The following IL12RB1 variants were observed in gnomAD, a reference collection of about 807,000 sequenced individuals.
IL12RB1 encodes the protein interleukin-12 receptor subunit beta-1.
IL12RB1 carries 64 observed loss-of-function variants against 94.4 expected under a neutral mutation model. That is an observed-to-expected ratio of 0.68 (90% confidence interval 0.55 to 0.83). The LOEUF is 0.83. Ranked by LOEUF, IL12RB1 falls within the 40% of genes least tolerant of loss-of-function variation. The probability of loss-of-function intolerance (pLI) is 0.00; values close to 1 mark genes in which losing one functional copy is unlikely to be tolerated. For synonymous variants in IL12RB1, 362 were observed against 355.5 expected, an observed-to-expected ratio of 1.02 and a Z score of -0.21; for missense variants, 814 against 855.6, an observed-to-expected ratio of 0.95 and a Z score of 0.61.
intron 10 of IL12RB1, among the ~76,000 whole-genome samples, chr19:18,069,240 C>T (rs17883713): frequency 3.3e-4 from 50 of 152,332 alleles, no homozygotes; most frequent in South Asian, 2.3e-3. Context: ...CAGCATCTCG[C>T]GAACTGCCAC....
intron 5 of IL12RB1, 37 bp from the exon 6 acceptor site, chr19:18,076,364 T>C: frequency 8.9e-7 from 1 of 1,123,966 alleles, no homozygotes; most frequent in South Asian, 1.2e-5. Context: ...GTTTTGCATT[T>C]TGGTGCTGAA....
In IL12RB1 at chr19:18,080,833, T is replaced by A. The variant is rs1312439583; in HGVS notation, c.408A>T (p.Ser136=). The change falls in exon 4 of 17, where the codon TCA becomes TCT. Residue 136 remains serine, a splice_region_variant and synonymous_variant. Coordinates refer to ENST00000593993, the MANE Select transcript of IL12RB1 (RefSeq NM_005535.3). The stretch of plus-strand genomic sequence containing the variant: ...ACGGGGGGAGAACAAGGTGCTAACC[T>A]GAGTTGTAGAGCTGCAGGGTCACCT... ...SPEVTLQLYN[S]VKYEPPLGDI... is the part of the protein sequence containing the mutation. The A allele has an allele frequency of 1.2e-6, 2 of 1,602,824 alleles. No individual in the cohort carries two copies. The highest frequency in any genetic ancestry group is 1.7e-6 in the Non-Finnish European group (2 of 1,169,808).
intron 4 of IL12RB1, among the ~76,000 whole-genome samples, chr19:18,079,706 G>A (rs952931014): frequency 2.0e-5 from 3 of 151,502 alleles, no homozygotes; most frequent in Non-Finnish European, 2.9e-5. Context: ...TCAGGAGATC[G>A]AGACCACGGT....
rs775529244 is a variant in IL12RB1 at position 18,059,985 on chromosome 19, G to A, written c.1892C>T (p.Pro631Leu). The A allele has an allele frequency of 1.9e-6, 3 of 1,600,912 alleles. No individual in the cohort carries two copies. The highest frequency in any genetic ancestry group is 1.1e-5 in the South Asian group (1 of 89,360). The change falls in exon 16 of 17, where the codon CCT becomes CTT. Residue 631 changes from proline to leucine, a missense_variant. Physicochemically the swap from Pro to Leu is moderately conservative, Grantham distance 98. Coordinates refer to ENST00000593993, the MANE Select transcript of IL12RB1 (RefSeq NM_005535.3). Reference protein sequence around the residue: ...MSWDKGERTEPLEKTELPEGA... With the variant: ...MSWDKGERTELLEKTELPEGA... ...CTCAGGTAGCTCTGTCTTCTCGAGA[G>A]GCTCAGTCCTCTCGCCTTTGTCCCA...
chr19:18,080,239 G>T (rs1295016376), intron 4 of IL12RB1, among the ~76,000 whole-genome samples: 1 of 151,422 alleles, frequency 6.6e-6, no homozygotes, highest in African/African-American at 2.4e-5. Context: ...TGGCTTTTTT[G>T]TGTGTTGCTG....
rs138116622 is a variant in IL12RB1 at position 18,069,740 on chromosome 19, G to C, written c.1022-27C>G. On this transcript the variant is annotated intron_variant, in intron 9 of 16. Coordinates refer to ENST00000593993, the MANE Select transcript of IL12RB1 (RefSeq NM_005535.3). ...TGGAAGGAGAGGGGAGAGACGCATC[G>C]AGACAGTTGCCATCTCTCTCCCCAG... The C allele has an allele frequency of 2.4e-4, 374 of 1,560,594 alleles. 1 individual carries two copies. In the African/African-American group the frequency reaches 4.6e-3, roughly 19 times the overall value.
In IL12RB1 at chr19:18,086,757, C is replaced by A; in HGVS notation, c.64+3G>T. On this transcript the variant is annotated splice_donor_region_variant and intron_variant, in intron 1 of 16. Transcript: ENST00000593993. ...GCCGCCATGCCAGGGTCAGGGGACT[C>A]ACCGCCCTGCCTGGACAGCAGGAAG... 1 of 1,608,750 alleles carries A rather than the reference C, an allele frequency of 6.2e-7. No individual in the cohort carries two copies.
intron 7 of IL12RB1, among the ~76,000 whole-genome samples, chr19:18,075,031 G>A (rs2035350771): frequency 6.6e-6 from 1 of 150,694 alleles, no homozygotes; most frequent in Admixed American, 6.6e-5. Context: ...CAGCCTGGGT[G>A]ACAGAGTGAG....
intron 12 of IL12RB1, among the ~76,000 whole-genome samples, chr19:18,064,900 G>C (rs1402720081): frequency 6.6e-6 from 1 of 152,068 alleles, no homozygotes; most frequent in African/African-American, 2.4e-5. Flanking sequence ...CATAAGACAC[G>C]CCCACCAGTG....
At chr19:18,082,051 C>T in intron 3 of IL12RB1, 99 bp downstream of exon 3, 1 of 753,924 alleles carries the variant, frequency 1.3e-6, no homozygotes, top group Non-Finnish European at 2.4e-6. Context: ...GAGTGTTGAC[C>T]CAGCCAAGAT....
chr19:18,089,978 G>A (rs1211163817), upstream of IL12RB1, among the ~76,000 whole-genome samples: 1 of 152,240 alleles, frequency 6.6e-6, no homozygotes, highest in Non-Finnish European at 1.5e-5. Flanking sequence ...TCTGGCCCCG[G>A]GGCCCAGGCC....
chr19:18,081,052 C>T, intron 3 of IL12RB1, 51 bp from the exon 4 acceptor site: 1 of 1,532,282 alleles, frequency 6.5e-7, no homozygotes, highest in Non-Finnish European at 8.9e-7. Flanking sequence ...CTAGTGGACC[C>T]CACAGCCGAC....
chr19:18,066,268 C>T (rs1029835282), intron 12 of IL12RB1, among the ~76,000 whole-genome samples: 2 of 151,900 alleles, frequency 1.3e-5, no homozygotes, highest in Admixed American at 6.6e-5. Flanking sequence ...CCACCATGCC[C>T]GGCTAATTTT....
chr19:18,069,671 G>C lies in IL12RB1; in HGVS notation c.1064C>G (p.Thr355Ser). The change falls in exon 10 of 17, where the codon ACC becomes AGC. Residue 355 changes from threonine to serine, a missense_variant. Physicochemically the swap from Thr to Ser is moderately conservative, Grantham distance 58 (BLOSUM62 1). Coordinates refer to ENST00000593993, the MANE Select transcript of IL12RB1 (RefSeq NM_005535.3). ...LNISVGTNGT[T>S]MYWPARAQSM... is the part of the protein sequence containing the mutation. ...CTGAGCCCGGGCTGGCCAATACATG[G>C]TGGTCCCGTTGGTTCCGACGCTGAT... 6.2e-7 allele frequency: 1 copy of C among 1,612,868 alleles called. No individual in the cohort carries two copies. The highest frequency in any genetic ancestry group is 8.5e-7 in the Non-Finnish European group (1 of 1,179,222).
chr19:18,081,209 C>A (rs924883251), intron 3 of IL12RB1, among the ~76,000 whole-genome samples: 4 of 152,082 alleles, frequency 2.6e-5, no homozygotes, highest in African/African-American at 9.7e-5. Context: ...AATTCTCCCA[C>A]CTCAGCCTCC....
Position 18,082,273 on chromosome 19 carries a change from G to C in IL12RB1, c.125-9C>G. ...AGGGCCCGAGGCCGAGCCTGGAAGA[G>C]ATCCTGTAGGCTTGGGAACAGACCA... is the stretch of plus-strand genomic sequence containing the variant. On this transcript the variant is annotated splice_polypyrimidine_tract_variant and intron_variant, in intron 2 of 16. Transcript: ENST00000593993. 1 of 1,544,518 alleles carries C rather than the reference G, an allele frequency of 6.5e-7. No homozygotes were observed. The highest frequency in any genetic ancestry group is 8.9e-7 in the Non-Finnish European group (1 of 1,119,914).
At chr19:18,060,855 A>G (rs1015672652) in intron 15 of IL12RB1, among the ~76,000 whole-genome samples, 2 of 152,086 alleles carry the variant, frequency 1.3e-5, no homozygotes, top group African/African-American at 2.4e-5. Flanking sequence ...ATAGACCCCA[A>G]TCGCTGGATT....
intron 9 of IL12RB1, chr19:18,071,216 T>C (rs2035014249): frequency 2.5e-6 from 1 of 393,176 alleles, no homozygotes; most frequent in South Asian, 1.9e-5. Context: ...CTACTAAAAA[T>C]ACAAAATTAG....
chr19:18,092,074 A>T (rs748786045), intron 1 of IL12RB1, among the ~76,000 whole-genome samples: 2 of 150,320 alleles, frequency 1.3e-5, no homozygotes, highest in Non-Finnish European at 3.0e-5. Flanking sequence ...ATGGGGTTTC[A>T]CCATGTTGTC....
Sources: gnomAD v4.1 joint callset for allele counts (sites outside exome capture counted in the v4.1 genomes callset) on GRCh38, gnomAD v4.1.1 for gene constraint, MANE v1.5 for transcripts, NCBI Gene and HGNC (gene_info 2026-07-23, HGNC 2026-07-21) for gene names.